RP1: variants seen among roughly 807,000 people sequenced by gnomAD.
The protein encoded by RP1 is RP1 axonemal microtubule associated, also known as oxygen-regulated protein 1.
A neutral mutation model predicts 14.8 loss-of-function variants in RP1; 16 were observed. That is an observed-to-expected ratio of 1.08 (90% CI 0.73 to 1.65). RP1 has a LOEUF of 1.65. Ranked by LOEUF, RP1 falls within the 40% of genes most tolerant of loss-of-function variation. RP1 has a pLI of 0.00. For synonymous variants in RP1, 876 were observed against 883.6 expected (o/e 0.99, Z 0.15); for missense variants, 2,631 against 2,535.0 (o/e 1.04, Z -0.81).
chr8:54,781,039 A>AT, intron 23 of RP1: 1 of 984,840 alleles, frequency 1.0e-6, no homozygotes, highest in Non-Finnish European at 1.2e-6. Context: ...CTTTAAAAGT[A>AT]TTTTTAACAC....
chr8:54,768,897 CT>C (rs138672609), intron 22 of RP1, among the ~76,000 whole-genome samples: 7,926 of 138,520 alleles, frequency 0.057, 422 homozygotes, highest in African/African-American at 0.18. Flanking sequence ...TGGTTATATT[CT>C]TTTTTTTTTT....
Position 54,625,272 on chromosome 8 carries a change from A to G in RP1, c.1390A>G (p.Ile464Val). 6.2e-7 allele frequency: 1 copy of G among 1,614,182 alleles called. No individual in the cohort carries two copies. The highest frequency in any genetic ancestry group is 8.5e-7 in the Non-Finnish European group (1 of 1,180,034). The change falls in exon 4 of 4, where the codon ATT becomes GTT. Residue 464 changes from isoleucine to valine, a missense_variant. Transcript: ENST00000220676. ...LRRVRQKKSV[I>V]GSVTLVSETE... ...AAGAGTGAGACAAAAGAAATCTGTG[A>G]TTGGCAGTGTGACCTTAGTATCTGA...
At chr8:54,849,620 A>C (rs1474843235) in intron 25 of RP1, among the ~76,000 whole-genome samples, 2 of 152,208 alleles carry the variant, frequency 1.3e-5, no homozygotes, top group African/African-American at 2.4e-5. Flanking sequence ...TCATTAACAA[A>C]CACTTAGCAA....
intron 3 of RP1, 44 bp downstream of exon 3, chr8:54,622,332 A>AT (rs749753331): frequency 9.3e-5 from 149 of 1,598,094 alleles, no homozygotes; most frequent in South Asian, 8.8e-4. Context: ...TAGCCCTGAG[A>AT]TTTTTTTTGC....
intron 17 of RP1, among the ~76,000 whole-genome samples, chr8:54,734,362 A>T (rs1808862616): frequency 6.6e-6 from 1 of 152,120 alleles, no homozygotes; most frequent in African/African-American, 2.4e-5. Context: ...GTTTCAGTTG[A>T]CCAGAACCTT....
At chr8:54,707,791 G>A (rs1232820733) in intron 15 of RP1, among the ~76,000 whole-genome samples, 1 of 152,172 alleles carries the variant, frequency 6.6e-6, no homozygotes, top group African/African-American at 2.4e-5. Context: ...TGCTCACAAT[G>A]CAAAGGCGAA....
At chr8:54,835,841 G>T (rs1811642671) in intron 24 of RP1, among the ~76,000 whole-genome samples, 1 of 152,108 alleles carries the variant, frequency 6.6e-6, no homozygotes, top group African/African-American at 2.4e-5. Flanking sequence ...TTTGGAGCTT[G>T]GCTACTGATT....
In RP1 at chr8:54,625,726, T is replaced by G; in HGVS notation, c.1844T>G (p.Phe615Cys). 6.2e-7 allele frequency: 1 copy of G among 1,614,050 alleles called. No individual in the cohort carries two copies. Among genetic ancestry groups the G allele is most frequent in the African/African-American group, 1.3e-5 (1 of 75,054 alleles). ...CCTATTTCAGCAGATGCAACCCATT[T>G]TTCAAGTAATAACTCTGGAACTGAC... ...FSPISADATH[F>C]SSNNSGTDKN... is the part of the protein sequence containing the mutation. The change falls in exon 4 of 4, where the codon TTT (phenylalanine) becomes TGT (cysteine). Residue 615 changes from phenylalanine to cysteine, a missense_variant. By Grantham distance (205) the Phe-to-Cys change is radical. Coordinates refer to ENST00000220676, the MANE Select transcript of RP1 (RefSeq NM_006269.2).
chr8:54,824,513 G>A (rs60058263), intron 24 of RP1, among the ~76,000 whole-genome samples: 47,785 of 151,844 alleles, frequency 0.31, 7,642 homozygotes, highest in South Asian at 0.37. Flanking sequence ...TTTTTGCACA[G>A]TCCTTACTGG....
chr8:54,615,579 C>T (rs938900233), upstream of RP1, among the ~76,000 whole-genome samples: 1 of 152,172 alleles, frequency 6.6e-6, no homozygotes, highest in African/African-American at 2.4e-5. Context: ...AGCATTTCAT[C>T]GTGTGCTGCT....
At chr8:54,777,076 C>T (rs992207756) in intron 23 of RP1, among the ~76,000 whole-genome samples, 3 of 152,120 alleles carry the variant, frequency 2.0e-5, no homozygotes, top group South Asian at 2.1e-4. Context: ...CTTTGTGCCT[C>T]GGTTTCTTTC....
At chr8:54,618,406 T>A (rs1368800597) in intron 1 of RP1, among the ~76,000 whole-genome samples, 2 of 152,172 alleles carry the variant, frequency 1.3e-5, no homozygotes, top group Non-Finnish European at 2.9e-5. Context: ...ATTCTTAGCA[T>A]ATTGGCTCAC....
intron 6 of RP1, among the ~76,000 whole-genome samples, chr8:54,659,482 C>T (rs1343579927): frequency 6.6e-6 from 1 of 152,090 alleles, no homozygotes; most frequent in African/African-American, 2.4e-5. Context: ...CATTTATCGA[C>T]GAGACTGTCT....
intron 25 of RP1, among the ~76,000 whole-genome samples, chr8:54,847,705 G>C (rs891812296): frequency 6.6e-6 from 1 of 152,204 alleles, no homozygotes; most frequent in Non-Finnish European, 1.5e-5. Flanking sequence ...CAGGCCCTTG[G>C]CCTTATCCAA....
At chr8:54,772,412 T>C (rs1246882859), downstream of RP1, among the ~76,000 whole-genome samples, 1 of 152,128 alleles carries the variant, frequency 6.6e-6, no homozygotes, top group Non-Finnish European at 1.5e-5. Flanking sequence ...CAAGATACAA[T>C]TTGAATGATC....
At chr8:54,653,623 G>T (rs779027649) in intron 5 of RP1, among the ~76,000 whole-genome samples, 1 of 152,048 alleles carries the variant, frequency 6.6e-6, no homozygotes, top group Non-Finnish European at 1.5e-5. Context: ...TCCATTAGCA[G>T]AAATATATAG....
chr8:54,738,680 G>A (rs950665765), intron 18 of RP1, among the ~76,000 whole-genome samples: 1 of 152,032 alleles, frequency 6.6e-6, no homozygotes, highest in South Asian at 2.1e-4. Flanking sequence ...CTGAGCATAT[G>A]TGTGTTCTTC....
intron 22 of RP1, among the ~76,000 whole-genome samples, chr8:54,766,951 T>G (rs1040131982): frequency 5.3e-5 from 8 of 152,182 alleles, no homozygotes; most frequent in African/African-American, 1.9e-4. Context: ...CAAGCCACAC[T>G]GCTCCAATTC....
At chr8:54,581,744 C>T (rs1371968485) in intron 1 of RP1, among the ~76,000 whole-genome samples, 5 of 152,172 alleles carry the variant, frequency 3.3e-5, no homozygotes, top group African/African-American at 9.7e-5. Flanking sequence ...ATTTGCATTT[C>T]TCTGATGGCC....
Sources: gnomAD v4.1 joint callset for allele counts (sites outside exome capture counted in the v4.1 genomes callset) on GRCh38, gnomAD v4.1.1 for gene constraint, MANE v1.5 for transcripts, NCBI Gene and HGNC (gene_info 2026-07-23, HGNC 2026-07-21) for gene names.